TSPAN2: variants seen among roughly 807,000 people sequenced by gnomAD.
TSPAN2 encodes tetraspanin-2.
A neutral mutation model predicts 33.3 loss-of-function variants in TSPAN2; 24 were observed. That is an observed-to-expected ratio of 0.72 (90% CI 0.52 to 1.01). The LOEUF is 1.01. Ranked by LOEUF, TSPAN2 falls within the 50% of genes least tolerant of loss-of-function variation. The pLI, the probability that TSPAN2 is intolerant of heterozygous loss-of-function variation, is 0.00. For synonymous variants in TSPAN2, 114 were observed against 104.5 expected, an observed-to-expected ratio of 1.09 and a Z score of -0.56; for missense variants, 278 against 281.3, an observed-to-expected ratio of 0.99 and a Z score of 0.08.
chr1:115,053,259 A>G (rs1647258234), intron 7 of TSPAN2, 120 bp downstream of exon 7: 2 of 798,358 alleles, frequency 2.5e-6, no homozygotes, highest in East Asian at 2.7e-5. Flanking sequence ...ATTGTGAACA[A>G]AGGTCTTTTT....
chr1:115,087,277 C>A (rs1648873205), intron 1 of TSPAN2, among the ~76,000 whole-genome samples: 1 of 151,958 alleles, frequency 6.6e-6, no homozygotes, highest in Non-Finnish European at 1.5e-5. Context: ...GCCCAGGAAC[C>A]ACTTTTGAGA....
chr1:115,064,885 G>A (rs929016842), intron 2 of TSPAN2, among the ~76,000 whole-genome samples: 3 of 152,206 alleles, frequency 2.0e-5, no homozygotes, highest in Non-Finnish European at 4.4e-5. Context: ...GGGCACAGAG[G>A]TTTGAGGAGG....
At chr1:115,054,168 C>G (rs1647294807) in intron 6 of TSPAN2, among the ~76,000 whole-genome samples, 1 of 152,226 alleles carries the variant, frequency 6.6e-6, no homozygotes, top group African/African-American at 2.4e-5. Context: ...ACTTCAAACA[C>G]TCCTATTTGG....
chr1:115,065,607 T>G (rs1286908668), intron 2 of TSPAN2, among the ~76,000 whole-genome samples: 2 of 152,210 alleles, frequency 1.3e-5, no homozygotes, highest in African/African-American at 2.4e-5. Context: ...GTATTTAAAA[T>G]TATTTATTAA....
rs1277794516 is a variant in TSPAN2, at chr1:115,050,264, G to T, written c.*226C>A. 5.4e-6 allele frequency: 3 copies of T among 559,550 alleles called. No homozygotes were observed. In the African/African-American group the frequency reaches 5.8e-5, roughly 11 times the overall value. The allele number at this position is 559,550 out of a possible 1,614,324, so 34.7% of individuals were successfully genotyped here. A position where few individuals can be genotyped will look rare whatever the true frequency, so the allele number is the denominator to read the frequency against. On this transcript the variant is annotated 3_prime_UTR_variant, in exon 8 of 8. Transcript: ENST00000369516. ...TTCATTACGTATAAAGCATATTCCA[G>T]AAACACGCAGATCACACATGAATAT...
intron 3 of TSPAN2, among the ~76,000 whole-genome samples, chr1:115,061,719 T>G (rs1647732251): frequency 6.6e-6 from 1 of 152,188 alleles, no homozygotes; most frequent in South Asian, 2.1e-4. Flanking sequence ...TCGCCCAGGT[T>G]GGAGTGCAGT....
chr1:115,085,624 TC>T (rs923199426), intron 1 of TSPAN2, among the ~76,000 whole-genome samples: 7 of 152,126 alleles, frequency 4.6e-5, no homozygotes, highest in African/African-American at 1.7e-4. Flanking sequence ...AGGAAAACTA[TC>T]CCCCACCCCT....
chr1:115,080,985 C>T (rs938034696), intron 1 of TSPAN2, among the ~76,000 whole-genome samples: 4 of 152,128 alleles, frequency 2.6e-5, no homozygotes, highest in African/African-American at 9.7e-5. Context: ...AGCAGATAAA[C>T]AATTCTTAAT....
Position 115,089,450 on chromosome 1 carries a change from G to T in TSPAN2, c.-18C>A. Reference sequence around the variant, plus strand: ...CGCCCCATGCTGCGGCCCGGCGGCGGGATCCCCAGTCCCCAGGCCCGCGCT... The same window carrying T: ...CGCCCCATGCTGCGGCCCGGCGGCGTGATCCCCAGTCCCCAGGCCCGCGCT... On this transcript the variant is annotated 5_prime_UTR_variant, in exon 1 of 8. Transcript: ENST00000369516. 1 of 1,545,486 alleles carries T rather than the reference G, an allele frequency of 6.5e-7. No homozygotes were observed. Among genetic ancestry groups the T allele is most frequent in the Non-Finnish European group, 8.7e-7 (1 of 1,147,354 alleles).
intron 5 of TSPAN2, chr1:115,058,214 A>T (rs1557876981): frequency 6.4e-6 from 1 of 155,680 alleles, no homozygotes; most frequent in Non-Finnish European, 1.4e-5. Flanking sequence ...CTTGTCCTAG[A>T]CAAGAACTAG....
chr1:115,079,167 A>ACACACACG (rs1010371523), intron 1 of TSPAN2, among the ~76,000 whole-genome samples: 2 of 115,726 alleles, frequency 1.7e-5, no homozygotes, highest in African/African-American at 5.5e-5. Flanking sequence ...ACACACACAC[A>ACACACACG]CGCGCATGCT....
chr1:115,081,371 C>T (rs1648617100), intron 1 of TSPAN2, among the ~76,000 whole-genome samples: 2 of 152,200 alleles, frequency 1.3e-5, no homozygotes, highest in South Asian at 2.1e-4. Context: ...AATAAGCTGA[C>T]TCTTTCCCAA....
Position 115,089,488 on chromosome 1 carries a change from A to G in TSPAN2, c.-56T>C. On this transcript the variant is annotated 5_prime_UTR_variant, in exon 1 of 8. Coordinates refer to ENST00000369516, the MANE Select transcript of TSPAN2 (RefSeq NM_005725.6). ...CCAGGCCCGCGCTACGAGCGCGGGG[A>G]GCGGCAGGCTCCGGCGGGGAGGGGG... is the stretch of plus-strand genomic sequence containing the variant. 1 of 1,270,848 alleles carries G rather than the reference A, an allele frequency of 7.9e-7. No homozygotes were observed. The highest frequency in any genetic ancestry group is 1.9e-5 in the South Asian group (1 of 51,648). The allele number at this position is 1,270,848 out of a possible 1,614,324, so 78.7% of individuals were successfully genotyped here. A position where few individuals can be genotyped will look rare whatever the true frequency, so the allele number is the denominator to read the frequency against.
intron 2 of TSPAN2, among the ~76,000 whole-genome samples, chr1:115,070,748 C>T (rs60567857): frequency 2.0e-5 from 3 of 152,106 alleles, no homozygotes; most frequent in African/African-American, 7.2e-5. Flanking sequence ...CTTTCCTTAC[C>T]AGTTTAGAAT....
At chr1:115,056,683 G>A (rs1317599933) in intron 6 of TSPAN2, among the ~76,000 whole-genome samples, 1 of 152,124 alleles carries the variant, frequency 6.6e-6, no homozygotes, top group Non-Finnish European at 1.5e-5. Context: ...TTCCGAGCAC[G>A]TTGCACATTC....
At chr1:115,052,234 C>A (rs1054587092) in intron 7 of TSPAN2, among the ~76,000 whole-genome samples, 3 of 152,296 alleles carry the variant, frequency 2.0e-5, no homozygotes, top group African/African-American at 7.2e-5. Flanking sequence ...TTCTCCACCC[C>A]TCTGTGCTCT....
At chr1:115,060,579 C>T (rs774911546) in intron 3 of TSPAN2, 41 bp from the exon 4 acceptor site, 16 of 1,507,900 alleles carry the variant, frequency 1.1e-5, no homozygotes, top group Non-Finnish European at 9.1e-7. Flanking sequence ...AATTTAATAC[C>T]TTTTCAATTT....
In TSPAN2 at chr1:115,049,299, T is replaced by C. The variant is rs1183402132; in HGVS notation, c.*1191A>G. The C allele has an allele frequency of 1.3e-5, 2 of 152,598 alleles. No homozygotes were observed. Among genetic ancestry groups the C allele is most frequent in the African/African-American group, 4.8e-5 (2 of 41,454 alleles). The allele number at this position is 152,598 out of a possible 1,614,324, so 9.5% of individuals were successfully genotyped here. A position where few individuals can be genotyped will look rare whatever the true frequency, so the allele number is the denominator to read the frequency against. On this transcript the variant is annotated 3_prime_UTR_variant, in exon 8 of 8. Transcript: ENST00000369516. Reference sequence around the variant, plus strand: ...TTCTGTGTATATATAAGTATTTTTGTTTCCTTAACTTGTTTCTGTTGCCCA... The same window carrying C: ...TTCTGTGTATATATAAGTATTTTTGCTTCCTTAACTTGTTTCTGTTGCCCA...
chr1:115,061,560 A>G (rs1376222498), intron 3 of TSPAN2, among the ~76,000 whole-genome samples: 1 of 152,236 alleles, frequency 6.6e-6, no homozygotes, highest in African/African-American at 2.4e-5. Context: ...AAGAACAATC[A>G]TAGTCACCCC....
Sources: gnomAD v4.1 joint callset for allele counts (sites outside exome capture counted in the v4.1 genomes callset) on GRCh38, gnomAD v4.1.1 for gene constraint, MANE v1.5 for transcripts, NCBI Gene and HGNC (gene_info 2026-07-23, HGNC 2026-07-21) for gene names.